Variants in C8orf34 observed in about 807,000 individuals in gnomAD.
C8orf34 encodes the protein chromosome 8 open reading frame 34.
Under a neutral mutation model 68.3 loss-of-function variants are expected in C8orf34, and 65 were observed. The observed-to-expected ratio is 0.95, with a 90% CI of 0.78 to 1.17. The LOEUF (loss-of-function observed/expected upper bound fraction) is 1.17. C8orf34 is among the 50% of genes most tolerant of loss of function. The pLI, the probability that C8orf34 is intolerant of heterozygous loss-of-function variation, is 0.00. For missense variants in C8orf34, 664 were observed against 655.4 expected, an observed-to-expected ratio of 1.01 and a Z score of -0.14; for synonymous variants, 244 against 241.2, an observed-to-expected ratio of 1.01 and a Z score of -0.11.
At chr8:68,334,889 C>T (rs1293563151) in intron 1 of C8orf34, among the ~76,000 whole-genome samples, 2 of 152,128 alleles carry the variant, frequency 1.3e-5, no homozygotes, top group Non-Finnish European at 2.9e-5. Flanking sequence ...TTGCTGTTGC[C>T]CAGCTTGCTC....
At chr8:68,729,941 A>G (rs1821933948) in intron 10 of C8orf34, among the ~76,000 whole-genome samples, 1 of 152,164 alleles carries the variant, frequency 6.6e-6, no homozygotes, top group African/African-American at 2.4e-5. Flanking sequence ...ATTTTATGGT[A>G]CATAAATTGT....
chr8:68,398,023 G>A (rs1586053610), intron 1 of C8orf34, among the ~76,000 whole-genome samples: 1 of 151,936 alleles, frequency 6.6e-6, no homozygotes, highest in Non-Finnish European at 1.5e-5. Flanking sequence ...CCTGCCTTGG[G>A]CTCCCAAAGT....
At chr8:68,619,818 T>G (rs1303673096) in intron 7 of C8orf34, among the ~76,000 whole-genome samples, 1 of 152,122 alleles carries the variant, frequency 6.6e-6, no homozygotes, top group Admixed American at 6.5e-5. Context: ...AATACGGATA[T>G]AAGGAAGGTA....
At chr8:68,772,553 G>C (rs953634220) in intron 10 of C8orf34, among the ~76,000 whole-genome samples, 1 of 152,074 alleles carries the variant, frequency 6.6e-6, no homozygotes, top group Non-Finnish European at 1.5e-5. Context: ...CTTTCCCTGA[G>C]TTTATAATAT....
intron 1 of C8orf34, among the ~76,000 whole-genome samples, chr8:68,356,158 A>G (rs1806738996): frequency 6.6e-6 from 1 of 152,192 alleles, no homozygotes; most frequent in Non-Finnish European, 1.5e-5. Context: ...TATCAGGGCA[A>G]GCCTGTCAAA....
chr8:68,774,528 A>G (rs1238267234), intron 10 of C8orf34, among the ~76,000 whole-genome samples: 2 of 151,906 alleles, frequency 1.3e-5, no homozygotes. Context: ...TGAAAATCCT[A>G]CAAGTTTGGA....
intron 12 of C8orf34, 152 bp from the exon 13 acceptor site, chr8:68,815,734 A>G: frequency 7.7e-7 from 1 of 1,301,348 alleles, no homozygotes; most frequent in Non-Finnish European, 1.1e-6. Context: ...GAGTTAAAAT[A>G]CAGAATGGCA....
chr8:68,692,408 G>T (rs1164808714), intron 8 of C8orf34, among the ~76,000 whole-genome samples: 1 of 151,938 alleles, frequency 6.6e-6, no homozygotes, highest in African/African-American at 2.4e-5. Context: ...ATTAACAGGA[G>T]AAAAACAGTC....
intron 10 of C8orf34, among the ~76,000 whole-genome samples, chr8:68,761,281 T>C (rs4484686): frequency 0.014 from 2,204 of 152,330 alleles, 49 homozygotes; most frequent in African/African-American, 0.047. Context: ...TATCAGAATA[T>C]GGAGCCACTT....
chr8:68,657,945 T>C (rs1174678600), intron 8 of C8orf34, among the ~76,000 whole-genome samples: 1 of 152,132 alleles, frequency 6.6e-6, no homozygotes, highest in Non-Finnish European at 1.5e-5. Context: ...ACTCTGATGG[T>C]TTTAAATTTT....
chr8:68,526,506 G>GTA (rs1487284435), intron 6 of C8orf34, among the ~76,000 whole-genome samples: 4 of 152,076 alleles, frequency 2.6e-5, no homozygotes, highest in Non-Finnish European at 5.9e-5. Context: ...ACAGTACTAG[G>GTA]TATATGACAA....
At chr8:68,598,478 T>G (rs188437668) in intron 7 of C8orf34, among the ~76,000 whole-genome samples, 1 of 152,264 alleles carries the variant, frequency 6.6e-6, no homozygotes, top group Admixed American at 6.5e-5. Flanking sequence ...GAAGAGGCCG[T>G]GGCACAGCTA....
upstream of C8orf34, chr8:68,330,936 C>T: frequency 8.6e-7 from 1 of 1,167,824 alleles, no homozygotes. Flanking sequence ...AGAAAGGAAC[C>T]TCTGCCTCGA....
At chr8:68,729,553 CT>C (rs1282860688) in intron 10 of C8orf34, among the ~76,000 whole-genome samples, 1 of 152,036 alleles carries the variant, frequency 6.6e-6, no homozygotes, top group Non-Finnish European at 1.5e-5. Flanking sequence ...AGATCTTTAC[CT>C]CTTCTGTTGT....
chr8:68,461,810 A>G (rs980729500), intron 3 of C8orf34, among the ~76,000 whole-genome samples: 1 of 152,210 alleles, frequency 6.6e-6, no homozygotes, highest in African/African-American at 2.4e-5. Flanking sequence ...ATGGAAAGGA[A>G]CAACCAGTAC....
chr8:68,767,722 C>T (rs1823221741), intron 10 of C8orf34, among the ~76,000 whole-genome samples: 1 of 152,172 alleles, frequency 6.6e-6, no homozygotes. Context: ...TAACTTTGAA[C>T]CCTAACTCCT....
intron 8 of C8orf34, among the ~76,000 whole-genome samples, chr8:68,671,786 A>C (rs1241022841): frequency 6.6e-6 from 1 of 152,222 alleles, no homozygotes; most frequent in Non-Finnish European, 1.5e-5. Flanking sequence ...AATTAACACT[A>C]AAACTAATAT....
At chr8:68,745,296 A>T (rs1424372442) in intron 10 of C8orf34, among the ~76,000 whole-genome samples, 1 of 152,146 alleles carries the variant, frequency 6.6e-6, no homozygotes, top group Non-Finnish European at 1.5e-5. Flanking sequence ...AAATGTAAAG[A>T]CCATCGAGAC....
In C8orf34 at chr8:68,330,978, C is replaced by T. The variant is rs541013661; in HGVS notation, c.-35C>T. On this transcript the variant is annotated 5_prime_UTR_variant, in exon 1 of 14. Coordinates refer to ENST00000518698, the MANE Select transcript of C8orf34 (RefSeq NM_052958.4). ...CCACTGCGCCGGGCGCTGCGGAGAG[C>T]GGCGAGGGTGGGCGCGAGGCGGAGA... 4 of 1,355,114 alleles carry T rather than the reference C, an allele frequency of 3.0e-6. No individual in the cohort carries two copies. Among genetic ancestry groups the T allele is most frequent in the Non-Finnish European group, 3.8e-6 (4 of 1,054,758 alleles). 83.9% of individuals were successfully genotyped at this position (1,355,114 alleles called of 1,614,324 possible).
Sources: allele counts gnomAD v4.1 joint callset (sites outside exome capture counted in the v4.1 genomes callset), GRCh38; gene constraint gnomAD v4.1.1; transcripts MANE v1.5; gene names NCBI Gene and HGNC (gene_info 2026-07-23, HGNC 2026-07-21).